Variants in EPB41L4A observed in about 807,000 individuals in gnomAD.
EPB41L4A encodes the protein erythrocyte membrane protein band 4.1 like 4A.
A neutral mutation model predicts 108.6 loss-of-function variants in EPB41L4A; 100 were observed. That is an observed-to-expected ratio of 0.92 (90% CI 0.78 to 1.09). The LOEUF is 1.09. Ranked by LOEUF, EPB41L4A falls within the 50% of genes least tolerant of loss-of-function variation. The pLI is 0.00. For synonymous variants in EPB41L4A, 319 were observed against 289.0 expected (o/e 1.10, Z -1.05); for missense variants, 1,030 against 842.7 (o/e 1.22, Z -2.75).
In EPB41L4A at chr5:112,205,850, G is replaced by T. The variant is rs1762447388; in HGVS notation, c.1179-346C>A. The T allele has an allele frequency of 1.4e-5, 3 of 215,904 alleles. No homozygotes were observed. The South Asian group carries it at 2.0e-4, about 15-fold the overall frequency. The allele number at this position is 215,904 out of a possible 1,614,324, so 13.4% of individuals were successfully genotyped here. A position where few individuals can be genotyped will look rare whatever the true frequency, so the allele number is the denominator to read the frequency against. ...AGAAAGCCAAGGAGGAAGGACCTGG[G>T]CTACCCAGGATCTTCAGCCTGGCTC... On this transcript the variant is annotated intron_variant, in intron 13 of 22. Transcript: ENST00000261486.
chr5:112,319,405 G>A (rs1329927888), intron 1 of EPB41L4A, among the ~76,000 whole-genome samples: 1 of 152,128 alleles, frequency 6.6e-6, no homozygotes, highest in Admixed American at 6.6e-5. Flanking sequence ...AAATGTAGAA[G>A]GAATGACAGA....
At chr5:112,253,016 C>T (rs59775924) in intron 9 of EPB41L4A, among the ~76,000 whole-genome samples, 8 of 152,126 alleles carry the variant, frequency 5.3e-5, no homozygotes, top group Admixed American at 3.3e-4. Context: ...GAAAAATCAG[C>T]GTTTTGCAAC....
chr5:112,143,690 G>A (rs1459152935), exon 14 of EPB41L4A: 6 of 254,570 alleles, frequency 2.4e-5, no homozygotes, highest in African/African-American at 4.6e-5. Context: ...CTAGTGCCAG[G>A]AACATAGAAG....
At chr5:112,243,674 T>G (rs1053174250) in intron 9 of EPB41L4A, among the ~76,000 whole-genome samples, 4 of 152,198 alleles carry the variant, frequency 2.6e-5, no homozygotes, top group African/African-American at 9.6e-5. Flanking sequence ...AAATCAGTAC[T>G]TGCTGCTTCA....
At chr5:112,243,728 C>T (rs534847348) in intron 9 of EPB41L4A, among the ~76,000 whole-genome samples, 1 of 152,280 alleles carries the variant, frequency 6.6e-6, no homozygotes, top group Non-Finnish European at 1.5e-5. Context: ...GTCCTTCAAC[C>T]TAATGAACCA....
intron 18 of EPB41L4A, among the ~76,000 whole-genome samples, chr5:112,180,199 C>T (rs757474145): frequency 1.3e-5 from 2 of 152,030 alleles, no homozygotes; most frequent in Non-Finnish European, 2.9e-5. Context: ...TGGGGGAAGG[C>T]AGTAAAAACT....
chr5:112,419,616 C>A (rs553789285), upstream of EPB41L4A: 1 of 455,506 alleles, frequency 2.2e-6, no homozygotes, highest in East Asian at 7.0e-5. Context: ...CTCGGCTTTT[C>A]TTTTGTGTGA....
chr5:112,351,378 T>A (rs751262530), intron 1 of EPB41L4A, among the ~76,000 whole-genome samples: 1 of 152,170 alleles, frequency 6.6e-6, no homozygotes, highest in Non-Finnish European at 1.5e-5. Context: ...AGGAACTGGA[T>A]AAATTCCTGG....
In EPB41L4A at chr5:112,364,672, C is replaced by A. The variant is rs190918755; in HGVS notation, c.99+54269G>T. On this transcript the variant is annotated intron_variant, in intron 1 of 22. Coordinates refer to ENST00000261486, the MANE Select transcript of EPB41L4A (RefSeq NM_022140.5). ...AATGTCTAAAAAGTTTATCTGATTT[C>A]TTTAAAAGGCTTTCTCTAAATCCTA... Among the ~76,000 whole-genome samples, 40 of 152,254 alleles carry A rather than the reference C, an allele frequency of 2.6e-4. No homozygotes were observed. The East Asian group carries it at 4.1e-3, about 15-fold the overall frequency.
At chr5:112,190,044 G>C (rs1463093117) in intron 17 of EPB41L4A, among the ~76,000 whole-genome samples, 1 of 152,054 alleles carries the variant, frequency 6.6e-6, no homozygotes, top group Non-Finnish European at 1.5e-5. Flanking sequence ...TGGCCCTTCT[G>C]ATCTCAGGGA....
intron 1 of EPB41L4A, among the ~76,000 whole-genome samples, chr5:112,406,694 T>C (rs752204369): frequency 8.6e-5 from 13 of 151,956 alleles, no homozygotes; most frequent in Non-Finnish European, 1.6e-4. Flanking sequence ...GGCAGTGAAA[T>C]CTACATGATG....
At chr5:112,283,449 C>T (rs559109540) in intron 2 of EPB41L4A, among the ~76,000 whole-genome samples, 1 of 152,248 alleles carries the variant, frequency 6.6e-6, no homozygotes, top group Admixed American at 6.5e-5. Flanking sequence ...GCACTTGTCA[C>T]CATTCATTAT....
chr5:112,214,877 T>G (rs1244878820), intron 12 of EPB41L4A, among the ~76,000 whole-genome samples: 1 of 152,354 alleles, frequency 6.6e-6, no homozygotes, highest in South Asian at 2.1e-4. Flanking sequence ...AGTTGCTTTC[T>G]GCCTAAAATA....
intron 12 of EPB41L4A, among the ~76,000 whole-genome samples, chr5:112,224,154 G>A (rs1748284843): frequency 6.6e-6 from 1 of 152,128 alleles, no homozygotes; most frequent in Non-Finnish European, 1.5e-5. Context: ...GTTTCACCAC[G>A]TTGGCCAGGC....
At position 112,163,387 on chromosome 5, in the gene EPB41L4A, A is replaced by G. The variant is rs1760035027; in HGVS notation, c.*1603T>C. ...AGTAGCACATTACTCAGTAGTCTAA[A>G]CTACAGAAATAAACCTTAAGGCCAT... On this transcript the variant is annotated 3_prime_UTR_variant, in exon 23 of 23. Transcript: ENST00000261486. 6.6e-6 allele frequency: 1 copy of G among 152,196 alleles called. No individual in the cohort carries two copies. The highest frequency in any genetic ancestry group is 2.4e-5 in the African/African-American group (1 of 41,432). The allele number at this position is 152,196 out of a possible 1,614,324, so 9.4% of individuals were successfully genotyped here.
chr5:112,160,495 T>C (rs900863297), downstream of EPB41L4A: 1 of 150,696 alleles, frequency 6.6e-6, no homozygotes, highest in African/African-American at 2.4e-5. Flanking sequence ...AATGAATGAC[T>C]CTACTCTTCC....
intron 1 of EPB41L4A, among the ~76,000 whole-genome samples, chr5:112,321,334 G>A (rs1755763510): frequency 6.6e-6 from 1 of 152,286 alleles, no homozygotes; most frequent in Non-Finnish European, 1.5e-5. Context: ...GTAACACAAT[G>A]ACCAAGGTGA....
chr5:112,237,166 T>C (rs1453934604), intron 11 of EPB41L4A, among the ~76,000 whole-genome samples: 2 of 152,170 alleles, frequency 1.3e-5, no homozygotes, highest in Non-Finnish European at 2.9e-5. Flanking sequence ...AAGATAGCAA[T>C]GTATAACAAA....
chr5:112,152,591 C>T (rs1759509557), intron 12 of EPB41L4A, among the ~76,000 whole-genome samples: 1 of 151,980 alleles, frequency 6.6e-6, no homozygotes, highest in South Asian at 2.1e-4. Flanking sequence ...CACTGTGGCA[C>T]CTTAATCTCA....
Sources: gnomAD v4.1 joint callset for allele counts (sites outside exome capture counted in the v4.1 genomes callset) on GRCh38, gnomAD v4.1.1 for gene constraint, MANE v1.5 for transcripts, NCBI Gene and HGNC (gene_info 2026-07-23, HGNC 2026-07-21) for gene names.